The following KALRN variants were observed in gnomAD, a reference collection of about 807,000 sequenced individuals.
KALRN encodes kalirin.
KALRN carries 70 observed loss-of-function variants against 353.7 expected under a neutral mutation model. That is an observed-to-expected ratio of 0.20 (90% CI 0.16 to 0.24). The LOEUF is 0.24. KALRN is among the 10% of genes least tolerant of loss of function. The pLI is 1.00. For missense variants in KALRN, 2,791 were observed against 3,756.7 expected, an observed-to-expected ratio of 0.74 and a Z score of 6.72; for synonymous variants, 1,391 against 1,434.8, an observed-to-expected ratio of 0.97 and a Z score of 0.69.
intron 38 of KALRN, among the ~76,000 whole-genome samples, chr3:124,654,283 G>A (rs768287013): frequency 5.3e-5 from 8 of 152,206 alleles, no homozygotes; most frequent in Non-Finnish European, 1.0e-4. Flanking sequence ...AGTGCTGGGT[G>A]CACTGATAAA....
At chr3:124,218,482 A>G (rs1446314316) in intron 1 of KALRN, among the ~76,000 whole-genome samples, 1 of 152,198 alleles carries the variant, frequency 6.6e-6, no homozygotes, top group Non-Finnish European at 1.5e-5. Flanking sequence ...TGACAAGCTA[A>G]TGTTCTCTGT....
chr3:124,672,839 T>G (rs905908848), intron 48 of KALRN, among the ~76,000 whole-genome samples: 15 of 152,228 alleles, frequency 9.9e-5, no homozygotes, highest in African/African-American at 3.6e-4. Flanking sequence ...GGCCTCAGTT[T>G]TCTCTAGAAC....
At chr3:124,519,556 TGGGG>T in intron 33 of KALRN, 1 of 985,380 alleles carries the variant, frequency 1.0e-6, no homozygotes, top group Non-Finnish European at 1.2e-6. Context: ...GGCTGGGTTA[TGGGG>T]GAGGGCAGGG....
intron 1 of KALRN, among the ~76,000 whole-genome samples, chr3:124,179,655 T>G (rs1313114184): frequency 6.6e-6 from 1 of 152,220 alleles, no homozygotes; most frequent in Non-Finnish European, 1.5e-5. Flanking sequence ...CATCACCACA[T>G]ACGTGAGTAA....
At chr3:124,632,980 A>G (rs1419031159) in intron 35 of KALRN, among the ~76,000 whole-genome samples, 1 of 152,194 alleles carries the variant, frequency 6.6e-6, no homozygotes, top group East Asian at 1.9e-4. Context: ...TTAGTTCCCT[A>G]CCTCTACTAA....
intron 25 of KALRN, among the ~76,000 whole-genome samples, chr3:124,468,634 A>G (rs989248753): frequency 1.3e-4 from 20 of 152,192 alleles, no homozygotes; most frequent in Non-Finnish European, 2.8e-4. Flanking sequence ...AGAAATCGTT[A>G]AAGATAATCT....
intron 33 of KALRN, among the ~76,000 whole-genome samples, chr3:124,556,895 G>T (rs959630193): frequency 5.9e-5 from 9 of 152,098 alleles, no homozygotes; most frequent in Non-Finnish European, 1.2e-4. Context: ...AGTTGTTGAT[G>T]ATGTTCACAC....
chr3:124,096,220 A>T (rs2061436799), intron 1 of KALRN: 1 of 152,212 alleles, frequency 6.6e-6, no homozygotes, highest in African/African-American at 2.4e-5. Flanking sequence ...TCTTTCCTTC[A>T]TTCGTAAAAA....
At chr3:124,472,251 T>C (rs2060993391) in intron 25 of KALRN, among the ~76,000 whole-genome samples, 1 of 152,160 alleles carries the variant, frequency 6.6e-6, no homozygotes, top group African/African-American at 2.4e-5. Flanking sequence ...CCAGGCCAAT[T>C]ATCCTTGGGT....
chr3:124,186,759 C>T (rs998962418), intron 1 of KALRN, among the ~76,000 whole-genome samples: 8 of 152,322 alleles, frequency 5.3e-5, no homozygotes, highest in African/African-American at 1.9e-4. Flanking sequence ...CAGTTCAACA[C>T]AGTCCAAATT....
chr3:124,549,626 C>T (rs2070217272), intron 33 of KALRN, among the ~76,000 whole-genome samples: 1 of 151,954 alleles, frequency 6.6e-6, no homozygotes, highest in Admixed American at 6.6e-5. Context: ...TACATATATA[C>T]ACACAAGCCA....
At chr3:124,236,286 A>AT (rs761657877) in intron 3 of KALRN, among the ~76,000 whole-genome samples, 3 of 151,978 alleles carry the variant, frequency 2.0e-5, no homozygotes, top group South Asian at 2.1e-4. Flanking sequence ...AGGATGAAAG[A>AT]TTTTTTTTCT....
At chr3:124,499,324 T>G (rs1389835630) in intron 33 of KALRN, among the ~76,000 whole-genome samples, 3 of 152,230 alleles carry the variant, frequency 2.0e-5, no homozygotes, top group Non-Finnish European at 2.9e-5. Context: ...TCACATTGCA[T>G]AGGTTACTGC....
intron 45 of KALRN, among the ~76,000 whole-genome samples, chr3:124,662,311 C>T (rs2150245340): frequency 6.6e-6 from 1 of 151,538 alleles, no homozygotes; most frequent in Middle Eastern, 3.4e-3. Context: ...TCAAGCAGCC[C>T]TCCCACCTCA....
At position 124,456,744 on chromosome 3, in the gene KALRN, C is replaced by T. The variant is rs755571066; in HGVS notation, c.3854+16C>T. ...GGAAGAAAGAGTACGTGTTGGCTTC[C>T]GCCCAGCTAGCTGGCTCCCCGTGAC... On this transcript the variant is annotated intron_variant, in intron 23 of 59. Coordinates refer to ENST00000682506, the MANE Select transcript of KALRN (RefSeq NM_001388419.1). The T allele has an allele frequency of 1.1e-5, 18 of 1,583,428 alleles. No homozygotes were observed. The highest frequency in any genetic ancestry group is 2.7e-5 in the African/African-American group (2 of 74,326).
chr3:124,260,832 C>T (rs1447564435), intron 3 of KALRN, among the ~76,000 whole-genome samples: 1 of 149,312 alleles, frequency 6.7e-6, no homozygotes, highest in Non-Finnish European at 1.5e-5. Flanking sequence ...ATATGCCATG[C>T]TCTTTTGCTT....
rs565982308 is a variant in KALRN at position 124,534,480 on chromosome 3, T to C, written c.4936-28363T>C. On this transcript the variant is annotated intron_variant, in intron 33 of 59. Transcript: ENST00000682506. ...AAGTGCAGCAAACCACCATGGCACA[T>C]GTATACCTATATAAGAAACCTACAC... 9.6e-4 allele frequency among the ~76,000 whole-genome samples: 146 copies of C among 152,274 alleles called. 1 individual carries two copies. Among genetic ancestry groups the C allele is most frequent in the African/African-American group, 3.4e-3 (143 of 41,550 alleles).
At chr3:124,258,099 G>A (rs2072300336) in intron 3 of KALRN, among the ~76,000 whole-genome samples, 1 of 152,144 alleles carries the variant, frequency 6.6e-6, no homozygotes, top group Non-Finnish European at 1.5e-5. Flanking sequence ...GGGCAGGCTG[G>A]GGAGCAGCTG....
At chr3:124,103,886 G>A (rs1295718664) in intron 1 of KALRN, among the ~76,000 whole-genome samples, 2 of 152,112 alleles carry the variant, frequency 1.3e-5, no homozygotes, top group Non-Finnish European at 2.9e-5. Flanking sequence ...AACCTGAGAG[G>A]TGGAGGTTGC....
Sources: allele counts gnomAD v4.1 joint callset (sites outside exome capture counted in the v4.1 genomes callset), GRCh38; gene constraint gnomAD v4.1.1; transcripts MANE v1.5; gene names NCBI Gene and HGNC (gene_info 2026-07-23, HGNC 2026-07-21).